The following ENAH variants were observed in gnomAD, a reference collection of about 807,000 sequenced individuals.
The protein encoded by ENAH is protein enabled homolog.
ENAH carries 23 observed loss-of-function variants against 78.7 expected under a neutral mutation model. The ratio of observed to expected loss-of-function variants is 0.29; its 90% CI spans 0.21 to 0.41. The LOEUF (loss-of-function observed/expected upper bound fraction) is 0.41, where lower values mean the gene tolerates loss of function less well. Among genes scored for constraint, ENAH ranks in the 10% least tolerant of loss-of-function variants. The pLI is 1.00. For synonymous variants in ENAH, 226 were observed against 241.0 expected, an observed-to-expected ratio of 0.94 and a Z score of 0.58; for missense variants, 544 against 691.0, an observed-to-expected ratio of 0.79 and a Z score of 2.39.
chr1:225,542,773 C>T (rs1270635551), intron 3 of ENAH, among the ~76,000 whole-genome samples: 3 of 152,154 alleles, frequency 2.0e-5, no homozygotes, highest in Non-Finnish European at 4.4e-5. Flanking sequence ...GTAATCCCAA[C>T]ACTTTGGGAG....
At chr1:225,592,590 C>T (rs2096882269) in intron 1 of ENAH, among the ~76,000 whole-genome samples, 1 of 151,998 alleles carries the variant, frequency 6.6e-6, no homozygotes, top group Non-Finnish European at 1.5e-5. Flanking sequence ...GGTTTATGTA[C>T]TTTTCAAGTC....
intron 2 of ENAH, among the ~76,000 whole-genome samples, chr1:225,559,333 G>A (rs2096687121): frequency 6.6e-6 from 1 of 152,066 alleles, no homozygotes; most frequent in Non-Finnish European, 1.5e-5. Flanking sequence ...ACTTTCTTTA[G>A]GGCCAAGCAT....
chr1:225,529,538 T>C (rs1034465376), intron 4 of ENAH, among the ~76,000 whole-genome samples: 13 of 152,178 alleles, frequency 8.5e-5, no homozygotes, highest in African/African-American at 2.9e-4. Context: ...TTTTTCCCCA[T>C]AGCACTTACC....
chr1:225,508,190 C>T (rs1035665507), intron 10 of ENAH, among the ~76,000 whole-genome samples, 173 bp from the exon 11 acceptor site: 15 of 151,874 alleles, frequency 9.9e-5, no homozygotes, highest in African/African-American at 3.4e-4. Flanking sequence ...TTGCACAATG[C>T]CAGACCTTAA....
intron 4 of ENAH, among the ~76,000 whole-genome samples, chr1:225,521,058 GCACA>G (rs1011660392): frequency 1.3e-5 from 2 of 151,432 alleles, no homozygotes; most frequent in South Asian, 2.1e-4. Context: ...GCACGCGCGC[GCACA>G]CACACACAGA....
At chr1:225,643,777 A>G (rs1257896603) in intron 1 of ENAH, among the ~76,000 whole-genome samples, 1 of 152,038 alleles carries the variant, frequency 6.6e-6, no homozygotes, top group Non-Finnish European at 1.5e-5. Context: ...CTCTGCACAA[A>G]AATCTTAACA....
chr1:225,507,318 A>G (rs748366486), intron 11 of ENAH, among the ~76,000 whole-genome samples: 4 of 152,014 alleles, frequency 2.6e-5, no homozygotes, highest in Non-Finnish European at 5.9e-5. Flanking sequence ...AGGTTTAAAA[A>G]AGGCTCCAAA....
At chr1:225,549,232 T>A (rs945017549) in intron 3 of ENAH, among the ~76,000 whole-genome samples, 14 of 152,190 alleles carry the variant, frequency 9.2e-5, no homozygotes, top group African/African-American at 3.4e-4. Context: ...AAAAACTTTG[T>A]CCAGGGTTAT....
chr1:225,631,491 TTGAACTTGGAAGGCG>T (rs1398756072), intron 1 of ENAH, among the ~76,000 whole-genome samples: 1 of 150,972 alleles, frequency 6.6e-6, no homozygotes, highest in African/African-American at 2.4e-5. Flanking sequence ...AGAGAATCAC[TTGAACTTGGAAGGCG>T]GAGGTTGCGG....
chr1:225,588,050 T>A (rs905804856), intron 1 of ENAH, among the ~76,000 whole-genome samples: 2 of 152,102 alleles, frequency 1.3e-5, no homozygotes, highest in Admixed American at 1.3e-4. Context: ...AGAAAAATCA[T>A]CACAGGAAGG....
chr1:225,611,615 C>T (rs370600509), intron 1 of ENAH, among the ~76,000 whole-genome samples: 1 of 152,008 alleles, frequency 6.6e-6, no homozygotes, highest in Non-Finnish European at 1.5e-5. Context: ...CTACCTTGCC[C>T]AGACAAAAAA....
chr1:225,487,075 C>G lies in ENAH; in HGVS notation c.*10700G>C, dbSNP rs1206071653. On this transcript the variant is annotated 3_prime_UTR_variant, in exon 14 of 14. Coordinates refer to ENST00000366843, the MANE Select transcript of ENAH (RefSeq NM_018212.6). The stretch of plus-strand genomic sequence containing the variant: ...CCACAGTGACAGGGCCAGGCCCCTT[C>G]CTGCTGAATCCTAACTTTACACATT... 6.6e-6 allele frequency: 1 copy of G among 152,608 alleles called. No homozygotes were observed. The highest frequency in any genetic ancestry group is 1.9e-4 in the East Asian group (1 of 5,192). The allele number at this position is 152,608 out of a possible 1,614,324, so 9.5% of individuals were successfully genotyped here.
chr1:225,490,018 A>T lies in ENAH; in HGVS notation c.*7757T>A, dbSNP rs1176443945. On this transcript the variant is annotated 3_prime_UTR_variant, in exon 14 of 14. Coordinates refer to ENST00000366843, the MANE Select transcript of ENAH (RefSeq NM_018212.6). ...GCTTGTATAGTGGCAAGGAAAAAAT[A>T]AAAACAAAACAAAAAGAATTTAAAA... 1 of 152,164 alleles carries T rather than the reference A, an allele frequency of 6.6e-6. No individual in the cohort carries two copies. The highest frequency in any genetic ancestry group is 1.5e-5 in the Non-Finnish European group (1 of 68,042). 9.4% of individuals were successfully genotyped at this position (152,164 alleles called of 1,614,324 possible).
At chr1:225,651,002 AAT>A (rs1404162120) in intron 1 of ENAH, among the ~76,000 whole-genome samples, 3 of 152,050 alleles carry the variant, frequency 2.0e-5, no homozygotes, top group Non-Finnish European at 4.4e-5. Flanking sequence ...AACAACATAT[AAT>A]ATTACAAGAT....
intron 11 of ENAH, among the ~76,000 whole-genome samples, chr1:225,505,280 T>C (rs951410305): frequency 1.3e-5 from 2 of 152,210 alleles, no homozygotes; most frequent in South Asian, 4.1e-4. Flanking sequence ...ATGGCTACTT[T>C]TTATATAGGT....
intron 1 of ENAH, among the ~76,000 whole-genome samples, chr1:225,620,063 G>C (rs1394922427): frequency 6.6e-6 from 1 of 152,026 alleles, no homozygotes; most frequent in East Asian, 1.9e-4. Context: ...TGTACTACTT[G>C]AGAACGTACT....
intron 2 of ENAH, among the ~76,000 whole-genome samples, 155 bp from the exon 3 acceptor site, chr1:225,555,238 T>C (rs940863885): frequency 2.6e-5 from 4 of 152,140 alleles, no homozygotes; most frequent in Non-Finnish European, 5.9e-5. Flanking sequence ...TACACAAATA[T>C]CAGTCTGATA....
At chr1:225,612,126 T>C (rs901848529) in intron 1 of ENAH, among the ~76,000 whole-genome samples, 1 of 152,204 alleles carries the variant, frequency 6.6e-6, no homozygotes. Context: ...CAAATACTTA[T>C]ACATAAATCT....
chr1:225,608,220 G>GAAAAAAAAAAAAAAAAAAA (rs60998592), intron 1 of ENAH, among the ~76,000 whole-genome samples: 5 of 91,296 alleles, frequency 5.5e-5, no homozygotes, highest in African/African-American at 8.6e-5. Flanking sequence ...ATAAAAAACA[G>GAAAAAAAAAAAAAAAAAAA]AAAAAAAAAA....
Sources: allele counts gnomAD v4.1 joint callset (sites outside exome capture counted in the v4.1 genomes callset), GRCh38; gene constraint gnomAD v4.1.1; transcripts MANE v1.5; gene names NCBI Gene and HGNC (gene_info 2026-07-23, HGNC 2026-07-21).